ADAMTSL3: variants seen among roughly 807,000 people sequenced by gnomAD.
The protein encoded by ADAMTSL3 is ADAMTS like 3.
Under a neutral mutation model 201.7 loss-of-function variants are expected in ADAMTSL3, and 128 were observed. The ratio of observed to expected loss-of-function variants is 0.63; its 90% confidence interval spans 0.55 to 0.73. The LOEUF is 0.73. Ranked by LOEUF, ADAMTSL3 falls within the 30% of genes least tolerant of loss-of-function variation. The pLI is 0.00. For synonymous variants in ADAMTSL3, 738 were observed against 748.4 expected, an observed-to-expected ratio of 0.99 and a Z score of 0.23; for missense variants, 1,990 against 2,119.6, an observed-to-expected ratio of 0.94 and a Z score of 1.20.
At chr15:83,890,535 T>C (rs1023541969) in intron 11 of ADAMTSL3, among the ~76,000 whole-genome samples, 4 of 152,220 alleles carry the variant, frequency 2.6e-5, no homozygotes, top group African/African-American at 9.6e-5. Context: ...GTCTAGTCCA[T>C]CTGCCAATCA....
chr15:83,948,172 C>A (rs1427620679), intron 19 of ADAMTSL3, among the ~76,000 whole-genome samples: 1 of 152,090 alleles, frequency 6.6e-6, no homozygotes, highest in East Asian at 1.9e-4. Flanking sequence ...CCCGATTTTC[C>A]ATAGAACTAT....
In ADAMTSL3 at chr15:83,961,354, A is replaced by G. The variant is rs905389615; in HGVS notation, c.2491-9130A>G. On this transcript the variant is annotated intron_variant, in intron 19 of 29. Coordinates refer to ENST00000286744, the MANE Select transcript of ADAMTSL3 (RefSeq NM_207517.3). ...ACAAAGGAGATCAAACATAAACACA[A>G]TTGGTATTTGTTGAGAAGAACAAAA... Among the ~76,000 whole-genome samples, 7 of 152,334 alleles carry G rather than the reference A, an allele frequency of 4.6e-5. No individual in the cohort carries two copies. The East Asian group carries it at 9.6e-4, about 21-fold the overall frequency.
At chr15:83,790,369 A>C (rs1305291780) in intron 4 of ADAMTSL3, among the ~76,000 whole-genome samples, 1 of 151,438 alleles carries the variant, frequency 6.6e-6, no homozygotes, top group Non-Finnish European at 1.5e-5. Context: ...AAGATATAAA[A>C]GGAATTATAG....
intron 3 of ADAMTSL3, among the ~76,000 whole-genome samples, chr15:83,715,211 G>A (rs1212486664): frequency 3.3e-5 from 5 of 152,140 alleles, no homozygotes; most frequent in African/African-American, 1.2e-4. Flanking sequence ...TGAGCCTCAT[G>A]TCCCTGGGGT....
chr15:83,699,561 T>C (rs2141486331), intron 2 of ADAMTSL3, among the ~76,000 whole-genome samples: 1 of 152,348 alleles, frequency 6.6e-6, no homozygotes, highest in East Asian at 1.9e-4. Context: ...TTCTTCTAGC[T>C]CAGTCTCCAC....
At chr15:83,767,735 C>A (rs1193452156) in intron 3 of ADAMTSL3, among the ~76,000 whole-genome samples, 1 of 152,190 alleles carries the variant, frequency 6.6e-6, no homozygotes, top group Non-Finnish European at 1.5e-5. Context: ...TCCCCACAAA[C>A]CTTTCTGCCT....
chr15:83,857,332 T>G (rs1265705134), intron 7 of ADAMTSL3, among the ~76,000 whole-genome samples: 2 of 152,182 alleles, frequency 1.3e-5, no homozygotes, highest in Non-Finnish European at 2.9e-5. Context: ...TGGTCAAATT[T>G]AGTTTTTTTT....
intron 3 of ADAMTSL3, among the ~76,000 whole-genome samples, chr15:83,746,044 C>G (rs1359927581): frequency 6.6e-6 from 1 of 152,134 alleles, no homozygotes; most frequent in Non-Finnish European, 1.5e-5. Context: ...CAGTGATGCT[C>G]TCAAAATCCA....
Position 83,991,226 on chromosome 15 carries a change from C to T in ADAMTSL3, c.3973+12C>T, listed in dbSNP as rs780340966. 2 of 1,613,830 alleles carry T rather than the reference C, an allele frequency of 1.2e-6. No homozygotes were observed. The highest frequency in any genetic ancestry group is 1.7e-5 in the Admixed American group (1 of 59,990). ...ATGTCCTGTAAAAGGTAAGTGTGGT[C>T]ATTTCAGTGGGAGGCCATTTCAGTG... On this transcript the variant is annotated intron_variant, in intron 23 of 29. Transcript: ENST00000286744.
At chr15:84,035,237 G>T (rs531906136) in intron 28 of ADAMTSL3, among the ~76,000 whole-genome samples, 1 of 152,130 alleles carries the variant, frequency 6.6e-6, no homozygotes, top group South Asian at 2.1e-4. Flanking sequence ...AATCCTTTGG[G>T]CTAGAAGCAA....
intron 3 of ADAMTSL3, among the ~76,000 whole-genome samples, chr15:83,707,560 T>C (rs1249412487): frequency 6.6e-6 from 1 of 152,204 alleles, no homozygotes; most frequent in Non-Finnish European, 1.5e-5. Flanking sequence ...AAAATGAACA[T>C]TTCTAGCACC....
chr15:83,955,296 A>G (rs1038592016), intron 19 of ADAMTSL3, among the ~76,000 whole-genome samples: 1 of 152,122 alleles, frequency 6.6e-6, no homozygotes, highest in African/African-American at 2.4e-5. Context: ...CATGGCCATC[A>G]TCATCAGCAG....
At chr15:83,959,412 A>G (rs1162692545) in intron 19 of ADAMTSL3, among the ~76,000 whole-genome samples, 1 of 152,234 alleles carries the variant, frequency 6.6e-6, no homozygotes, top group Non-Finnish European at 1.5e-5. Context: ...TCCATCTCAA[A>G]AAAAGGACAT....
chr15:83,668,300 CT>C (rs34123860), intron 2 of ADAMTSL3, among the ~76,000 whole-genome samples: 3 of 151,272 alleles, frequency 2.0e-5, no homozygotes, highest in Non-Finnish European at 2.9e-5. Flanking sequence ...TTTTCTCACT[CT>C]TTTTTTTCAG....
chr15:83,797,013 C>G (rs2063438031), intron 4 of ADAMTSL3, among the ~76,000 whole-genome samples: 1 of 151,900 alleles, frequency 6.6e-6, no homozygotes, highest in African/African-American at 2.4e-5. Flanking sequence ...AACTAAGATA[C>G]AAAAAGTTTG....
At chr15:83,903,398 A>G (rs1006319150) in intron 15 of ADAMTSL3, among the ~76,000 whole-genome samples, 5 of 151,974 alleles carry the variant, frequency 3.3e-5, no homozygotes, top group African/African-American at 1.2e-4. Context: ...ACCCCCCAAC[A>G]TAAGCTCTGT....
intron 6 of ADAMTSL3, among the ~76,000 whole-genome samples, chr15:83,822,387 C>T (rs1463894283): frequency 6.7e-6 from 1 of 149,616 alleles, no homozygotes; most frequent in Non-Finnish European, 1.5e-5. Context: ...AGGGTCTCCT[C>T]ACTTCTCAGA....
intron 6 of ADAMTSL3, among the ~76,000 whole-genome samples, chr15:83,826,297 A>AT (rs1451500958): frequency 1.3e-5 from 2 of 151,670 alleles, no homozygotes; most frequent in Admixed American, 6.6e-5. Flanking sequence ...TATTTTTTAC[A>AT]TTTTTTGTAG....
chr15:83,839,339 C>T lies in ADAMTSL3; in HGVS notation c.727+1124C>T, dbSNP rs1344362672. On this transcript the variant is annotated intron_variant, in intron 7 of 29. Coordinates refer to ENST00000286744, the MANE Select transcript of ADAMTSL3 (RefSeq NM_207517.3). ...TCATGGCGTGACACTGGAGAAGAGT[C>T]TGGGTGTTTTGAGGAACTCCTAATA... Among the ~76,000 whole-genome samples the T allele has an allele frequency of 2.0e-5, 3 of 152,222 alleles. No homozygotes were observed. In the East Asian group the frequency reaches 5.8e-4, roughly 29 times the overall value.
Sources: gnomAD v4.1 joint callset for allele counts (sites outside exome capture counted in the v4.1 genomes callset) on GRCh38, gnomAD v4.1.1 for gene constraint, MANE v1.5 for transcripts, NCBI Gene and HGNC (gene_info 2026-07-23, HGNC 2026-07-21) for gene names.